The following WDR11 variants were observed in gnomAD, a reference collection of about 807,000 sequenced individuals.
The protein encoded by WDR11 is WD repeat domain 11, also known as WD repeat-containing protein 11.
A neutral mutation model predicts 151.2 loss-of-function variants in WDR11; 83 were observed. The observed-to-expected ratio is 0.55, with a 90% CI of 0.46 to 0.66. WDR11 has a LOEUF of 0.66. Ranked by LOEUF, WDR11 falls within the 30% of genes least tolerant of loss-of-function variation. The pLI is 0.00. For missense variants in WDR11, 1,301 were observed against 1,480.9 expected, an observed-to-expected ratio of 0.88 and a Z score of 1.99; for synonymous variants, 484 against 533.1, an observed-to-expected ratio of 0.91 and a Z score of 1.27.
At chr10:120,852,458 G>A in intron 1 of WDR11, 66 bp from the exon 2 acceptor site, 1 of 1,345,668 alleles carries the variant, frequency 7.4e-7, no homozygotes, top group East Asian at 2.3e-5. Context: ...ATTTATTTAG[G>A]CTTGGCAAGA....
chr10:120,869,378 G>A (rs112612737), intron 9 of WDR11, among the ~76,000 whole-genome samples: 1 of 152,186 alleles, frequency 6.6e-6, no homozygotes, highest in Non-Finnish European at 1.5e-5. Flanking sequence ...CTCCCAAAGT[G>A]CTGGGATTAC....
At chr10:120,871,112 C>G in intron 9 of WDR11, 58 bp from the exon 10 acceptor site, 1 of 1,572,096 alleles carries the variant, frequency 6.4e-7, no homozygotes, top group Non-Finnish European at 8.7e-7. Flanking sequence ...TTTTCTTTAG[C>G]TTTTTAAGAT....
intron 13 of WDR11, among the ~76,000 whole-genome samples, chr10:120,881,179 C>T (rs760388536): frequency 9.2e-5 from 14 of 152,212 alleles, no homozygotes; most frequent in Admixed American, 2.6e-4. Flanking sequence ...CATGGAGTTA[C>T]TGAGTGAAAG....
chr10:120,852,232 A>T, intron 1 of WDR11: 1 of 382,534 alleles, frequency 2.6e-6, no homozygotes, highest in South Asian at 2.4e-5. Flanking sequence ...CGAAAGACGT[A>T]TGCCTACAAG....
At position 120,908,622 on chromosome 10, in the gene WDR11, G is replaced by T. The variant is rs748853834; in HGVS notation, c.3584G>T (p.Gly1195Val). The T allele has an allele frequency of 9.3e-6, 15 of 1,614,188 alleles. No homozygotes were observed. Among genetic ancestry groups the T allele is most frequent in the Non-Finnish European group, 1.2e-5 (14 of 1,180,018 alleles). Reference sequence around the variant, plus strand: ...TTGAAGAACCTCGGTTTTAAGCAGGGAGCAGTTCTCTTTGCTTCAAAAGCC... The same window carrying T: ...TTGAAGAACCTCGGTTTTAAGCAGGTAGCAGTTCTCTTTGCTTCAAAAGCC... ...RSLKNLGFKQGAVLFASKAGA... is the reference protein window; with the variant it reads ...RSLKNLGFKQVAVLFASKAGA... The change falls in exon 29 of 29, where the codon GGA becomes GTA. Residue 1195 changes from glycine to valine, a missense_variant. Around this residue, in one of 3 missense-constraint regions of WDR11, gnomAD observed 589 missense variants for 670.6 expected, o/e 0.88. Coordinates refer to ENST00000263461, the MANE Select transcript of WDR11 (RefSeq NM_018117.12).
At chr10:120,859,329 G>A (rs1450520579) in intron 3 of WDR11, among the ~76,000 whole-genome samples, 1 of 147,660 alleles carries the variant, frequency 6.8e-6, no homozygotes, top group South Asian at 2.1e-4. Context: ...GTACAGTGGC[G>A]CTATCTCGGC....
At chr10:120,871,997 C>G (rs76582749) in intron 10 of WDR11, among the ~76,000 whole-genome samples, 1 of 152,170 alleles carries the variant, frequency 6.6e-6, no homozygotes, top group Non-Finnish European at 1.5e-5. Flanking sequence ...TATTAAAATA[C>G]ATTTCTCCAA....
chr10:120,886,273 T>C (rs1847212839), intron 15 of WDR11, among the ~76,000 whole-genome samples: 1 of 152,154 alleles, frequency 6.6e-6, no homozygotes, highest in Non-Finnish European at 1.5e-5. Flanking sequence ...AGATAGATCA[T>C]ATTATCATTT....
At chr10:120,894,295 A>G (rs1157533729) in intron 19 of WDR11, among the ~76,000 whole-genome samples, 3 of 152,180 alleles carry the variant, frequency 2.0e-5, no homozygotes, top group Admixed American at 6.5e-5. Context: ...TTTCCTAAGT[A>G]AGCATATATA....
At position 120,860,283 on chromosome 10, in the gene WDR11, G is replaced by C; in HGVS notation, c.526+1G>C. ...CCTTTTGATCCCTCACATTTAACTT[G>C]TGAGTAACAGTTGCTTGTGGAAAAT... On this transcript the variant is annotated splice_donor_variant, in intron 4 of 28. Transcript: ENST00000263461. LOFTEE classifies it high-confidence loss of function. 1 of 1,613,090 alleles carries C rather than the reference G, an allele frequency of 6.2e-7. No homozygotes were observed. The highest frequency in any genetic ancestry group is 8.5e-7 in the Non-Finnish European group (1 of 1,179,936).
intron 2 of WDR11, among the ~76,000 whole-genome samples, chr10:120,855,424 C>A (rs923660641): frequency 4.0e-5 from 6 of 151,186 alleles, no homozygotes; most frequent in Non-Finnish European, 5.9e-5. Context: ...ACATGATTTG[C>A]AAATATTTTC....
intron 11 of WDR11, among the ~76,000 whole-genome samples, chr10:120,875,804 C>A (rs562096857): frequency 7.1e-6 from 1 of 140,794 alleles, no homozygotes; most frequent in African/African-American, 2.8e-5. Context: ...CACCCCCAGC[C>A]AGTTTCCAGT....
chr10:120,863,002 G>A, intron 5 of WDR11, 81 bp downstream of exon 5: 4 of 931,926 alleles, frequency 4.3e-6, no homozygotes, highest in Non-Finnish European at 6.8e-6. Flanking sequence ...AAAGACTGAT[G>A]TTTTTCTTCA....
chr10:120,908,775 G>A lies in WDR11; in HGVS notation c.*62G>A, dbSNP rs1003589554. ...CAGATGGGAGGGGGCTGGTCTGGCT[G>A]TGGCCACCGTCACAGTCCAGGATGA... On this transcript the variant is annotated 3_prime_UTR_variant, in exon 29 of 29. Coordinates refer to ENST00000263461, the MANE Select transcript of WDR11 (RefSeq NM_018117.12). The A allele has an allele frequency of 2.1e-5, 34 of 1,587,918 alleles. No individual in the cohort carries two copies. Among genetic ancestry groups the A allele is most frequent in the East Asian group, 1.8e-4 (8 of 44,746 alleles).
Position 120,880,759 on chromosome 10 carries a change from G to T in WDR11, c.1664-67G>T, listed in dbSNP as rs1013766963. ...GTAGGACTGATCAAATTACATTGGC[G>T]TGGCTTCTTGTTTTTCATACATGTT... On this transcript the variant is annotated intron_variant, in intron 12 of 28. Transcript: ENST00000263461. The T allele has an allele frequency of 3.7e-6, 5 of 1,350,646 alleles. No homozygotes were observed. In the African/African-American group the frequency reaches 7.2e-5, roughly 20 times the overall value. 83.7% of individuals were successfully genotyped at this position (1,350,646 alleles called of 1,614,324 possible).
At chr10:120,886,542 A>C (rs1384305216) in intron 15 of WDR11, 147 bp from the exon 16 acceptor site, 3 of 946,632 alleles carry the variant, frequency 3.2e-6, no homozygotes, top group East Asian at 2.6e-5. Flanking sequence ...ACCCATAATT[A>C]GCTGGGCAAA....
chr10:120,886,526 A>G (rs1327538682), intron 15 of WDR11, among the ~76,000 whole-genome samples, 163 bp from the exon 16 acceptor site: 1 of 152,130 alleles, frequency 6.6e-6, no homozygotes, highest in African/African-American at 2.4e-5. Flanking sequence ...GGAGTGATTC[A>G]TGTTTACCCA....
intron 28 of WDR11, chr10:120,907,147 G>T: frequency 2.6e-6 from 1 of 384,088 alleles, no homozygotes. Flanking sequence ...GAAGATGAAG[G>T]AATGATTTGG....
intron 21 of WDR11, among the ~76,000 whole-genome samples, chr10:120,901,936 T>C (rs1248234633): frequency 6.6e-6 from 1 of 152,222 alleles, no homozygotes; most frequent in African/African-American, 2.4e-5. Flanking sequence ...TTCTTGATGA[T>C]TTTTTCAACA....
Sources: allele counts gnomAD v4.1 joint callset (sites outside exome capture counted in the v4.1 genomes callset), GRCh38; gene constraint gnomAD v4.1.1; regional missense constraint gnomAD v4.1.1; transcripts MANE v1.5; gene names NCBI Gene and HGNC (gene_info 2026-07-23, HGNC 2026-07-21).